NRG1: variants seen among roughly 807,000 people sequenced by gnomAD.
The protein encoded by NRG1 is neuregulin 1, also known as pro-neuregulin-1, membrane-bound isoform.
In NRG1, 18 loss-of-function variants were observed where a neutral mutation model predicts 63.8. The ratio of observed to expected loss-of-function variants is 0.28; its 90% CI spans 0.19 to 0.42. The LOEUF is 0.42. Among genes scored for constraint, NRG1 ranks in the 10% least tolerant of loss-of-function variants. The probability of loss-of-function intolerance (pLI) is 1.00; values close to 1 mark genes in which losing one functional copy is unlikely to be tolerated. For synonymous variants in NRG1, 302 were observed against 301.3 expected (o/e 1.00, Z -0.02); for missense variants, 762 against 814.7 (o/e 0.94, Z 0.79).
chr8:31,887,311 C>A (rs770427862), intron 1 of NRG1, among the ~76,000 whole-genome samples: 1 of 151,998 alleles, frequency 6.6e-6, no homozygotes, highest in Admixed American at 6.6e-5. Flanking sequence ...AGCTTTCAGG[C>A]GCTCAATAAA....
At chr8:32,450,747 C>G (rs777345824) in intron 1 of NRG1, among the ~76,000 whole-genome samples, 47 of 152,058 alleles carry the variant, frequency 3.1e-4, no homozygotes, top group Non-Finnish European at 2.1e-4. Flanking sequence ...AAAATGAAGA[C>G]AGAATTCAAT....
At chr8:32,007,775 G>C (rs939085944) in intron 1 of NRG1, among the ~76,000 whole-genome samples, 1 of 151,866 alleles carries the variant, frequency 6.6e-6, no homozygotes, top group African/African-American at 2.4e-5. Flanking sequence ...CTACCAGCTG[G>C]GATATCTATG....
rs1563760627 is a variant in NRG1 at position 32,078,363 on chromosome 8, C to A, written c.37+438932C>A. 2.6e-5 allele frequency among the ~76,000 whole-genome samples: 4 copies of A among 152,200 alleles called. No individual in the cohort carries two copies. The South Asian group carries it at 6.2e-4, about 24-fold the overall frequency. ...AGCATGATTGCAAGCTTCCTGAGTT[C>A]CTGACCAGAAGCAGATGCTGGCACC... On this transcript the variant is annotated intron_variant, in intron 1 of 10. Transcript: ENST00000519301.
intron 1 of NRG1, among the ~76,000 whole-genome samples, chr8:32,120,634 T>G (rs1018818000): frequency 6.6e-5 from 10 of 151,972 alleles, no homozygotes; most frequent in Non-Finnish European, 2.9e-5. Flanking sequence ...TTTTTTTTAT[T>G]ATTATAGTGC....
At chr8:32,176,118 A>G (rs1840705135) in intron 1 of NRG1, among the ~76,000 whole-genome samples, 1 of 152,236 alleles carries the variant, frequency 6.6e-6, no homozygotes, top group East Asian at 1.9e-4. Context: ...TGGTACTGAT[A>G]CCAAAACAGA....
chr8:32,250,157 T>C (rs1487266136), intron 1 of NRG1, among the ~76,000 whole-genome samples: 1 of 152,126 alleles, frequency 6.6e-6, no homozygotes, highest in Non-Finnish European at 1.5e-5. Context: ...TTTCAAACTG[T>C]CTTTTTTGTT....
chr8:32,632,495 G>A (rs1289637534), intron 5 of NRG1, among the ~76,000 whole-genome samples: 3 of 144,630 alleles, frequency 2.1e-5, no homozygotes, highest in Non-Finnish European at 4.5e-5. Flanking sequence ...GTTGCGGTGA[G>A]CTGAGATCAC....
chr8:31,904,959 C>G (rs553793350), intron 1 of NRG1, among the ~76,000 whole-genome samples: 1 of 151,922 alleles, frequency 6.6e-6, no homozygotes, highest in East Asian at 1.9e-4. Flanking sequence ...TACACCAAAC[C>G]CCCATAACAT....
In NRG1 at chr8:32,435,203, G is replaced by C. The variant is rs1818631402; in HGVS notation, c.38-160625G>C. ...CAGATCCTTTCTAGATTCACTTTTG[G>C]CTCTGGATCTGGAAGCTATCATCAT... On this transcript the variant is annotated intron_variant, in intron 1 of 10. Coordinates refer to the NRG1 transcript ENST00000519301. Among the ~76,000 whole-genome samples, 5 of 152,224 alleles carry C rather than the reference G, an allele frequency of 3.3e-5. No homozygotes were observed. In the South Asian group the frequency reaches 1.0e-3, roughly 32 times the overall value.
intron 1 of NRG1, among the ~76,000 whole-genome samples, chr8:32,229,179 T>C (rs1487848584): frequency 6.6e-6 from 1 of 152,176 alleles, no homozygotes; most frequent in Non-Finnish European, 1.5e-5. Context: ...GTGAGAGAAT[T>C]GGACGGCTAC....
At chr8:32,440,664 G>C (rs1579033) in intron 1 of NRG1, 47,147 of 151,884 alleles carry the variant, frequency 0.31, 7,563 homozygotes, top group South Asian at 0.35. Context: ...AGGGTCCGCA[G>C]GGTAACACAT....
chr8:32,666,250 C>T (rs1804128822), intron 5 of NRG1, among the ~76,000 whole-genome samples: 1 of 152,136 alleles, frequency 6.6e-6, no homozygotes, highest in South Asian at 2.1e-4. Context: ...ACTTCAGAAT[C>T]ACATGTTCAG....
chr8:31,774,239 T>G (rs1326545027), intron 1 of NRG1, among the ~76,000 whole-genome samples: 1 of 152,128 alleles, frequency 6.6e-6, no homozygotes, highest in Non-Finnish European at 1.5e-5. Flanking sequence ...TTCCCCCAGA[T>G]TTTTGCCTGA....
intron 1 of NRG1, among the ~76,000 whole-genome samples, chr8:31,916,620 T>C (rs1833413368): frequency 6.6e-6 from 1 of 152,152 alleles, no homozygotes; most frequent in South Asian, 2.1e-4. Flanking sequence ...GACATTTGGG[T>C]TGGTTCCAAG....
chr8:31,844,304 G>A (rs933374094), intron 1 of NRG1, among the ~76,000 whole-genome samples: 2 of 152,146 alleles, frequency 1.3e-5, no homozygotes, highest in African/African-American at 4.8e-5. Context: ...TTGCCAGTTC[G>A]GAATCCCCTA....
intron 1 of NRG1, among the ~76,000 whole-genome samples, chr8:31,717,222 T>C (rs781443865): frequency 2.0e-5 from 3 of 151,648 alleles, no homozygotes; most frequent in Non-Finnish European, 4.4e-5. Context: ...GCCTGGCCAA[T>C]ATGGTGAAAC....
At chr8:32,663,812 C>T (rs1803466383) in intron 5 of NRG1, among the ~76,000 whole-genome samples, 1 of 152,158 alleles carries the variant, frequency 6.6e-6, no homozygotes, top group South Asian at 2.1e-4. Context: ...ACCAAGTACT[C>T]AGTTCAGCCC....
chr8:31,849,603 T>G (rs2062056), intron 1 of NRG1, among the ~76,000 whole-genome samples: 23,717 of 152,206 alleles, frequency 0.16, 2,160 homozygotes, highest in Middle Eastern at 0.2. Flanking sequence ...GTCTCTCATT[T>G]CACCCTTAAA....
intron 1 of NRG1, among the ~76,000 whole-genome samples, chr8:32,331,947 G>C (rs2129477674): frequency 6.6e-6 from 1 of 152,204 alleles, no homozygotes; most frequent in Non-Finnish European, 1.5e-5. Flanking sequence ...TATAAGGCCA[G>C]AGAAGGATGA....
Sources: gnomAD v4.1 joint callset for allele counts (sites outside exome capture counted in the v4.1 genomes callset) on GRCh38, gnomAD v4.1.1 for gene constraint, MANE v1.5 for transcripts, NCBI Gene and HGNC (gene_info 2026-07-23, HGNC 2026-07-21) for gene names.